Variants in LRRC1 observed in about 807,000 individuals in gnomAD.
LRRC1 encodes the protein leucine-rich repeat-containing protein 1.
LRRC1 carries 28 observed loss-of-function variants against 69.9 expected under a neutral mutation model. The ratio of observed to expected loss-of-function variants is 0.40; its 90% CI spans 0.30 to 0.55. The LOEUF (loss-of-function observed/expected upper bound fraction) is 0.55. Ranked by LOEUF, LRRC1 falls within the 20% of genes least tolerant of loss-of-function variation. The probability of loss-of-function intolerance (pLI) is 0.47; values close to 1 mark genes in which losing one functional copy is unlikely to be tolerated. For missense variants in LRRC1, 498 were observed against 609.0 expected, an observed-to-expected ratio of 0.82 and a Z score of 1.92; for synonymous variants, 236 against 240.2, an observed-to-expected ratio of 0.98 and a Z score of 0.16.
chr6:53,800,156 A>C (rs1363711989), intron 1 of LRRC1, among the ~76,000 whole-genome samples: 1 of 152,176 alleles, frequency 6.6e-6, no homozygotes, highest in African/African-American at 2.4e-5. Flanking sequence ...TAAAGCACTA[A>C]AAGTGTCAGC....
chr6:53,897,331 A>C lies in LRRC1; in HGVS notation c.614A>C (p.Asp205Ala). 1.2e-6 allele frequency: 2 copies of C among 1,612,768 alleles called. No homozygotes were observed. The highest frequency in any genetic ancestry group is 1.7e-6 in the Non-Finnish European group (2 of 1,179,084). ...TTACATCTAAAAGATCTCTGGTTGG[A>C]TGGAAATCAACTGTCAGAATTACCT... ...ALLHLKDLWL[D>A]GNQLSELPQE... The change falls in exon 7 of 14, where the codon GAT (aspartate) becomes GCT (alanine). Residue 205 changes from aspartate to alanine, a missense_variant. Coordinates refer to ENST00000370888, the MANE Select transcript of LRRC1 (RefSeq NM_018214.5).
At chr6:53,833,508 T>G (rs1765491706) in intron 1 of LRRC1, among the ~76,000 whole-genome samples, 1 of 152,176 alleles carries the variant, frequency 6.6e-6, no homozygotes, top group Admixed American at 6.5e-5. Context: ...AGATAAATAT[T>G]TTGAACAAAA....
At chr6:53,900,377 T>C (rs1768022059) in intron 8 of LRRC1, among the ~76,000 whole-genome samples, 1 of 152,194 alleles carries the variant, frequency 6.6e-6, no homozygotes, top group Admixed American at 6.5e-5. Context: ...AGAGTATTTA[T>C]TACAGCAGAA....
At chr6:53,801,048 T>C (rs750394922) in intron 1 of LRRC1, among the ~76,000 whole-genome samples, 1 of 152,222 alleles carries the variant, frequency 6.6e-6, no homozygotes, top group Non-Finnish European at 1.5e-5. Flanking sequence ...CCTTTAATTG[T>C]CTCTAGCTAG....
chr6:53,861,478 A>G (rs1766517733), intron 2 of LRRC1, among the ~76,000 whole-genome samples: 1 of 150,286 alleles, frequency 6.7e-6, no homozygotes, highest in African/African-American at 2.5e-5. Flanking sequence ...TCGTCATCCT[A>G]GATCTGCTGA....
chr6:53,815,000 T>G (rs7739965), intron 1 of LRRC1, among the ~76,000 whole-genome samples: 1 of 152,100 alleles, frequency 6.6e-6, no homozygotes, highest in African/African-American at 2.4e-5. Flanking sequence ...CTGTCTTTCT[T>G]TGGCTGGTCA....
intron 10 of LRRC1, among the ~76,000 whole-genome samples, chr6:53,909,168 C>T (rs1768333429): frequency 6.6e-6 from 1 of 152,212 alleles, no homozygotes; most frequent in Non-Finnish European, 1.5e-5. Context: ...TAACATGTGC[C>T]AGGCATGGTG....
chr6:53,852,482 CAT>C (rs1349502587), intron 2 of LRRC1, among the ~76,000 whole-genome samples: 3 of 152,152 alleles, frequency 2.0e-5, no homozygotes, highest in Non-Finnish European at 2.9e-5. Flanking sequence ...TGCTTCACCA[CAT>C]GTGTCATTTA....
intron 2 of LRRC1, among the ~76,000 whole-genome samples, chr6:53,854,155 G>C (rs901878941): frequency 6.6e-6 from 1 of 152,164 alleles, no homozygotes; most frequent in Admixed American, 6.5e-5. Flanking sequence ...TGTACTACAC[G>C]AGGCTCTGCT....
chr6:53,890,646 A>G (rs543588338), intron 4 of LRRC1, among the ~76,000 whole-genome samples: 1 of 152,306 alleles, frequency 6.6e-6, no homozygotes, highest in East Asian at 1.9e-4. Context: ...TTATTATTTC[A>G]AAAACAAAAA....
At chr6:53,874,893 G>A (rs1030785696) in intron 2 of LRRC1, among the ~76,000 whole-genome samples, 1 of 152,078 alleles carries the variant, frequency 6.6e-6, no homozygotes, top group African/African-American at 2.4e-5. Flanking sequence ...TAGCAACTTT[G>A]GTCTTTTAAA....
chr6:53,906,765 A>G (rs1768252629), intron 10 of LRRC1, among the ~76,000 whole-genome samples: 2 of 152,230 alleles, frequency 1.3e-5, no homozygotes, highest in Non-Finnish European at 2.9e-5. Flanking sequence ...TTTCTGAGAA[A>G]TTATGATTGG....
intron 2 of LRRC1, among the ~76,000 whole-genome samples, chr6:53,859,111 G>T (rs1382014553): frequency 6.6e-6 from 1 of 152,158 alleles, no homozygotes; most frequent in African/African-American, 2.4e-5. Context: ...CATATCCCTA[G>T]AGACATTCAA....
At chr6:53,849,135 GT>G (rs1235760610) in intron 2 of LRRC1, among the ~76,000 whole-genome samples, 1 of 144,214 alleles carries the variant, frequency 6.9e-6, no homozygotes, top group Non-Finnish European at 1.5e-5. Context: ...CTTTGAATAT[GT>G]TTTTTAAGTC....
At chr6:53,922,098 T>C (rs1024378759) in intron 13 of LRRC1, among the ~76,000 whole-genome samples, 1 of 152,208 alleles carries the variant, frequency 6.6e-6, no homozygotes, top group East Asian at 1.9e-4. Flanking sequence ...GTGTGAACTT[T>C]CATCAGTAGG....
chr6:53,877,484 G>T (rs1037430026), intron 2 of LRRC1, among the ~76,000 whole-genome samples: 1 of 152,088 alleles, frequency 6.6e-6, no homozygotes, highest in African/African-American at 2.4e-5. Flanking sequence ...TTGTCAGCCT[G>T]TAAATTTCCC....
intron 4 of LRRC1, among the ~76,000 whole-genome samples, chr6:53,890,478 A>T (rs1414451588): frequency 6.6e-6 from 1 of 152,118 alleles, no homozygotes; most frequent in Non-Finnish European, 1.5e-5. Context: ...AGTGAGCTTG[A>T]ACTAAGTGAT....
chr6:53,892,363 G>C (rs1030638572), intron 4 of LRRC1, among the ~76,000 whole-genome samples: 10 of 152,146 alleles, frequency 6.6e-5, no homozygotes, highest in African/African-American at 2.4e-4. Flanking sequence ...ATTTGTAAAA[G>C]TTTTAGAAAT....
At chr6:53,872,838 C>T (rs925925852) in intron 2 of LRRC1, among the ~76,000 whole-genome samples, 2 of 144,490 alleles carry the variant, frequency 1.4e-5, no homozygotes, top group African/African-American at 5.2e-5. Flanking sequence ...ATCACTGCAA[C>T]CTTGGCCTCC....
Sources: gnomAD v4.1 joint callset for allele counts (sites outside exome capture counted in the v4.1 genomes callset) on GRCh38, gnomAD v4.1.1 for gene constraint, MANE v1.5 for transcripts, NCBI Gene and HGNC (gene_info 2026-07-23, HGNC 2026-07-21) for gene names.